FNDC3A: variants seen among roughly 807,000 people sequenced by gnomAD.
FNDC3A encodes the protein fibronectin type III domain containing 3A, also known as fibronectin type-III domain-containing protein 3A.
A neutral mutation model predicts 148.9 loss-of-function variants in FNDC3A; 32 were observed. That is an observed-to-expected ratio of 0.21 (90% CI 0.16 to 0.29). The LOEUF is 0.29. FNDC3A is among the 10% of genes least tolerant of loss of function. The probability of loss-of-function intolerance (pLI) is 1.00; values close to 1 mark genes in which losing one functional copy is unlikely to be tolerated. For missense variants in FNDC3A, 1,191 were observed against 1,452.8 expected (o/e 0.82, Z 2.93); for synonymous variants, 472 against 473.6 (o/e 1.00, Z 0.04).
intron 1 of FNDC3A, among the ~76,000 whole-genome samples, chr13:48,977,285 C>A (rs144266367): frequency 1.4e-3 from 210 of 151,816 alleles, no homozygotes; most frequent in African/African-American, 4.9e-3. Context: ...TTTTTTAGTT[C>A]TTGAAACCAA....
chr13:49,105,268 G>A (rs929725291), intron 3 of FNDC3A, among the ~76,000 whole-genome samples: 1 of 152,084 alleles, frequency 6.6e-6, no homozygotes, highest in African/African-American at 2.4e-5. Flanking sequence ...ATATACTCGG[G>A]AAAACTATGT....
chr13:49,149,220 T>A (rs1883155265), intron 8 of FNDC3A, among the ~76,000 whole-genome samples: 1 of 151,986 alleles, frequency 6.6e-6, no homozygotes, highest in South Asian at 2.1e-4. Context: ...CTGGTTGCTC[T>A]GGCTAGGACT....
At chr13:49,113,473 A>C (rs1880718170) in intron 3 of FNDC3A, among the ~76,000 whole-genome samples, 1 of 151,770 alleles carries the variant, frequency 6.6e-6, no homozygotes, top group Admixed American at 6.6e-5. Flanking sequence ...TGTAATCCGG[A>C]TTTGTTGTGA....
chr13:49,178,924 A>C (rs923217091), intron 14 of FNDC3A, among the ~76,000 whole-genome samples: 11 of 152,046 alleles, frequency 7.2e-5, no homozygotes, highest in African/African-American at 2.7e-4. Flanking sequence ...ACGAGGTTTC[A>C]CCATCTTGCC....
chr13:49,099,827 C>T (rs539084049), intron 3 of FNDC3A, among the ~76,000 whole-genome samples: 1 of 151,974 alleles, frequency 6.6e-6, no homozygotes, highest in Non-Finnish European at 1.5e-5. Flanking sequence ...TGAGAGTATC[C>T]TCCACTTAGC....
chr13:49,110,597 G>A (rs1353288705), intron 3 of FNDC3A, among the ~76,000 whole-genome samples: 2 of 152,058 alleles, frequency 1.3e-5, no homozygotes, highest in Non-Finnish European at 2.9e-5. Flanking sequence ...GTATTCCACG[G>A]AATATTCCAT....
At chr13:49,100,111 A>G (rs9535149) in intron 3 of FNDC3A, among the ~76,000 whole-genome samples, 94,217 of 151,902 alleles carry the variant, frequency 0.62, 29,882 homozygotes, top group Non-Finnish European at 0.68. Context: ...TAATTGTTCC[A>G]TTTATATTAC....
chr13:48,983,170 G>A (rs1020915216), intron 1 of FNDC3A, among the ~76,000 whole-genome samples: 1 of 152,152 alleles, frequency 6.6e-6, no homozygotes, highest in Non-Finnish European at 1.5e-5. Context: ...GAGAGATAAT[G>A]ATATGTAAAT....
At chr13:49,081,243 C>A (rs1248889281) in intron 3 of FNDC3A, among the ~76,000 whole-genome samples, 1 of 152,066 alleles carries the variant, frequency 6.6e-6, no homozygotes, top group Non-Finnish European at 1.5e-5. Flanking sequence ...GGCACTTCTA[C>A]TTTGGTGTGA....
At chr13:49,130,572 A>G (rs1190960191) in intron 4 of FNDC3A, among the ~76,000 whole-genome samples, 2 of 151,896 alleles carry the variant, frequency 1.3e-5, no homozygotes, top group African/African-American at 4.9e-5. Flanking sequence ...ATAAATATCT[A>G]GTATCATAAC....
At chr13:49,105,898 T>A (rs1704162927) in intron 3 of FNDC3A, among the ~76,000 whole-genome samples, 1 of 152,204 alleles carries the variant, frequency 6.6e-6, no homozygotes, top group Admixed American at 6.5e-5. Context: ...TTTTTTAATA[T>A]AACTTAGATC....
At chr13:49,128,101 C>T (rs1370255257) in intron 4 of FNDC3A, among the ~76,000 whole-genome samples, 2 of 152,182 alleles carry the variant, frequency 1.3e-5, no homozygotes, top group East Asian at 1.9e-4. Context: ...AGGCTGGTCT[C>T]GAACGCCTGA....
At chr13:49,192,295 A>G (rs377496984) in intron 19 of FNDC3A, among the ~76,000 whole-genome samples, 1 of 151,854 alleles carries the variant, frequency 6.6e-6, no homozygotes. Context: ...TTTTCAATTT[A>G]TTTCTGTTTG....
chr13:49,024,517 AAAG>A (rs1315527650), intron 2 of FNDC3A, among the ~76,000 whole-genome samples: 4 of 152,140 alleles, frequency 2.6e-5, no homozygotes, highest in African/African-American at 9.6e-5. Flanking sequence ...AATTCATCAA[AAAG>A]ATAATACACC....
At chr13:49,073,956 T>G (rs1022418271) in intron 2 of FNDC3A, among the ~76,000 whole-genome samples, 6 of 151,674 alleles carry the variant, frequency 4.0e-5, no homozygotes, top group Non-Finnish European at 8.8e-5. Flanking sequence ...TATTTTAATA[T>G]CCTATTTTCA....
In FNDC3A at chr13:49,134,682, G is replaced by A. The variant is rs79178877; in HGVS notation, c.491-1650G>A. Among the ~76,000 whole-genome samples, 1,325 of 151,588 alleles carry A rather than the reference G, an allele frequency of 8.7e-3. 23 individuals carry two copies. The highest frequency in any genetic ancestry group is 0.031 in the African/African-American group (1,277 of 41,352). On this transcript the variant is annotated intron_variant, in intron 5 of 25. Coordinates refer to ENST00000492622, the MANE Select transcript of FNDC3A (RefSeq NM_001079673.2). ...CAAAACTTGATATCGTCTGTCTTTTGATTGTAGGCATCCTGAATAAATTTC... is the reference window on the plus strand; with the variant it reads ...CAAAACTTGATATCGTCTGTCTTTTAATTGTAGGCATCCTGAATAAATTTC...
intron 14 of FNDC3A, 76 bp from the exon 15 acceptor site, chr13:49,185,888 C>G (rs143582210): frequency 8.6e-7 from 1 of 1,164,234 alleles, no homozygotes; most frequent in East Asian, 2.4e-5. Flanking sequence ...CTGTTTGTCT[C>G]CTATCACTTT....
At chr13:49,162,473 C>T (rs1884202010) in intron 8 of FNDC3A, among the ~76,000 whole-genome samples, 1 of 152,134 alleles carries the variant, frequency 6.6e-6, no homozygotes, top group Non-Finnish European at 1.5e-5. Flanking sequence ...CATTTAAGGT[C>T]TTCTCTATGC....
At chr13:49,028,012 A>C (rs773110845) in intron 2 of FNDC3A, among the ~76,000 whole-genome samples, 1 of 152,074 alleles carries the variant, frequency 6.6e-6, no homozygotes, top group African/African-American at 2.4e-5. Flanking sequence ...CAGGAGTTTG[A>C]GACCAGCCTG....
Sources: allele counts gnomAD v4.1 joint callset (sites outside exome capture counted in the v4.1 genomes callset), GRCh38; gene constraint gnomAD v4.1.1; transcripts MANE v1.5; gene names NCBI Gene and HGNC (gene_info 2026-07-23, HGNC 2026-07-21).